The following NETO1 variants were observed in gnomAD, a reference collection of about 807,000 sequenced individuals.
NETO1 encodes the protein neuropilin and tolloid like 1, also known as neuropilin and tolloid-like protein 1.
A neutral mutation model predicts 61.3 loss-of-function variants in NETO1; 26 were observed. The observed-to-expected ratio is 0.42, with a 90% CI of 0.31 to 0.59. The LOEUF (loss-of-function observed/expected upper bound fraction) is 0.59, where lower values mean the gene tolerates loss of function less well. NETO1 is among the 20% of genes least tolerant of loss of function. NETO1 has a pLI of 0.12. For synonymous variants in NETO1, 225 were observed against 225.8 expected, an observed-to-expected ratio of 1.00 and a Z score of 0.03; for missense variants, 531 against 662.8, an observed-to-expected ratio of 0.80 and a Z score of 2.18.
rs2070411496 is a variant in NETO1 at position 72,745,505 on chromosome 18, G to C, written c.*2674C>G. 6.6e-6 allele frequency: 1 copy of C among 152,100 alleles called. No individual in the cohort carries two copies. The allele number at this position is 152,100 out of a possible 1,614,324, so 9.4% of individuals were successfully genotyped here. A position where few individuals can be genotyped will look rare whatever the true frequency, so the allele number is the denominator to read the frequency against. ...ATCTTGTTAAATCAATAAAGCACTT[G>C]GGTTGGTAATATTTGAATTCACTTT... On this transcript the variant is annotated 3_prime_UTR_variant, in exon 11 of 11. Coordinates refer to ENST00000327305, the MANE Select transcript of NETO1 (RefSeq NM_138966.5).
intron 4 of NETO1, among the ~76,000 whole-genome samples, chr18:72,803,837 G>T (rs1163004727): frequency 6.7e-6 from 1 of 148,970 alleles, no homozygotes; most frequent in Non-Finnish European, 1.5e-5. Context: ...AAAAAAAAAA[G>T]ATACTCTTTC....
intron 3 of NETO1, among the ~76,000 whole-genome samples, chr18:72,863,771 A>G (rs898899720): frequency 6.6e-6 from 1 of 152,136 alleles, no homozygotes; most frequent in African/African-American, 2.4e-5. Flanking sequence ...TAGAAAGTGC[A>G]TCTATCTTTA....
chr18:72,841,534 A>G (rs1405627115), intron 4 of NETO1, among the ~76,000 whole-genome samples: 1 of 151,804 alleles, frequency 6.6e-6, no homozygotes, highest in Non-Finnish European at 1.5e-5. Flanking sequence ...GGAGTTTGAG[A>G]CCAGTCTGGC....
chr18:72,854,162 G>T (rs2074345102), intron 4 of NETO1, among the ~76,000 whole-genome samples: 1 of 152,090 alleles, frequency 6.6e-6, no homozygotes, highest in Non-Finnish European at 1.5e-5. Context: ...TTGAGAGGTG[G>T]CTAGGAGTTG....
rs145217972 is a variant in NETO1, at chr18:72,750,517, G to A, written c.1086C>T (p.Ile362=). 6.8e-6 allele frequency: 11 copies of A among 1,613,784 alleles called. No individual in the cohort carries two copies. The highest frequency in any genetic ancestry group is 4.0e-5 in the African/African-American group (3 of 74,866). The change falls in exon 9 of 11, where the codon ATC becomes ATT. Residue 362 remains isoleucine (I), a synonymous_variant. Transcript: ENST00000327305. ...TTTTACGAGGCTGTTTGATCTGTAC[G>A]ATGACAGAGATGATAATGAGGATGA... The part of the protein sequence containing the change: ...IVIILIIISV[I]VQIKQPRKKY...
chr18:72,817,675 G>C (rs80141405), intron 4 of NETO1, among the ~76,000 whole-genome samples: 1 of 152,232 alleles, frequency 6.6e-6, no homozygotes. Flanking sequence ...TAGGCCTAGT[G>C]ACTCATTTCT....
intron 4 of NETO1, among the ~76,000 whole-genome samples, chr18:72,796,540 G>A (rs550043912): frequency 6.6e-6 from 1 of 152,236 alleles, no homozygotes; most frequent in East Asian, 1.9e-4. Context: ...GGAGCGCAGT[G>A]ATCTCGTCTC....
intron 6 of NETO1, among the ~76,000 whole-genome samples, chr18:72,791,125 A>G (rs1163211588): frequency 6.6e-6 from 1 of 152,228 alleles, no homozygotes; most frequent in Non-Finnish European, 1.5e-5. Context: ...GAATTCTATG[A>G]AATCTAGATT....
intron 4 of NETO1, among the ~76,000 whole-genome samples, chr18:72,829,898 T>C (rs2073517031): frequency 6.6e-6 from 1 of 152,162 alleles, no homozygotes; most frequent in African/African-American, 2.4e-5. Context: ...CAGACAAAAC[T>C]GCATTACCCT....
At chr18:72,755,789 A>C (rs1476013764) in intron 8 of NETO1, among the ~76,000 whole-genome samples, 1 of 152,110 alleles carries the variant, frequency 6.6e-6, no homozygotes, top group Non-Finnish European at 1.5e-5. Flanking sequence ...GGCTCTAATA[A>C]GGTGATGTCT....
intron 4 of NETO1, among the ~76,000 whole-genome samples, chr18:72,819,556 G>A (rs113483607): frequency 2.9e-3 from 434 of 152,136 alleles, no homozygotes; most frequent in Admixed American, 4.8e-3. Context: ...TAATAATGCC[G>A]ACACTAAAAT....
At chr18:72,865,409 T>A (rs1337043413) in intron 1 of NETO1, among the ~76,000 whole-genome samples, 168 bp from the exon 2 acceptor site, 2 of 152,212 alleles carry the variant, frequency 1.3e-5, no homozygotes, top group Non-Finnish European at 2.9e-5. Flanking sequence ...AATGTACAAA[T>A]CAGGAAACCT....
chr18:72,755,983 C>T (rs376803195), intron 8 of NETO1, 51 bp downstream of exon 8: 4 of 916,720 alleles, frequency 4.4e-6, no homozygotes, highest in Non-Finnish European at 5.4e-6. Flanking sequence ...AAACTTCTAC[C>T]CCACTCCACA....
rs560424128 is a variant in NETO1, at chr18:72,839,891, A to G, written c.469+18935T>C. Among the ~76,000 whole-genome samples, 172 of 152,306 alleles carry G rather than the reference A, an allele frequency of 1.1e-3. 2 individuals are homozygous for G. Among genetic ancestry groups the G allele is most frequent in the Non-Finnish European group, 2.0e-3 (136 of 68,022 alleles). Reference sequence around the variant, plus strand: ...TGCTACTCCTGGAGAAGAGGGACAGACTTTTTATCCATTGCTTCCAGTGCC... The same window carrying G: ...TGCTACTCCTGGAGAAGAGGGACAGGCTTTTTATCCATTGCTTCCAGTGCC... On this transcript the variant is annotated intron_variant, in intron 4 of 10. Transcript: ENST00000327305.
chr18:72,863,573 G>C (rs2074645083), intron 3 of NETO1, among the ~76,000 whole-genome samples: 1 of 152,100 alleles, frequency 6.6e-6, no homozygotes, highest in Non-Finnish European at 1.5e-5. Context: ...TAATTGTTTT[G>C]CCTTCTTACA....
intron 4 of NETO1, among the ~76,000 whole-genome samples, chr18:72,831,549 C>A (rs1254004113): frequency 6.6e-6 from 1 of 152,226 alleles, no homozygotes; most frequent in Non-Finnish European, 1.5e-5. Context: ...TTCACCTGGA[C>A]ATCTTTTACA....
At chr18:72,790,284 AC>A (rs1366282750) in intron 6 of NETO1, among the ~76,000 whole-genome samples, 14 of 152,182 alleles carry the variant, frequency 9.2e-5, no homozygotes, top group Non-Finnish European at 2.1e-4. Context: ...CATGATGGAA[AC>A]ATCACACCGT....
intron 7 of NETO1, 51 bp downstream of exon 7, chr18:72,783,627 G>T: frequency 6.9e-7 from 1 of 1,448,976 alleles, no homozygotes; most frequent in Non-Finnish European, 9.7e-7. Context: ...TATGAAACTG[G>T]CATCATATGG....
intron 7 of NETO1, among the ~76,000 whole-genome samples, chr18:72,761,172 A>G (rs962903147): frequency 4.1e-4 from 62 of 150,746 alleles, no homozygotes; most frequent in African/African-American, 1.5e-3. Flanking sequence ...TAAATTTTCT[A>G]ATTTGTAAAG....
Sources: gnomAD v4.1 joint callset for allele counts (sites outside exome capture counted in the v4.1 genomes callset) on GRCh38, gnomAD v4.1.1 for gene constraint, MANE v1.5 for transcripts, NCBI Gene and HGNC (gene_info 2026-07-23, HGNC 2026-07-21) for gene names.